CNTNAP5: variants seen among roughly 807,000 people sequenced by gnomAD.
CNTNAP5 encodes contactin associated protein family member 5, also known as contactin-associated protein-like 5.
A neutral mutation model predicts 150.2 loss-of-function variants in CNTNAP5; 72 were observed. The ratio of observed to expected loss-of-function variants is 0.48; its 90% CI spans 0.40 to 0.58. CNTNAP5 has a LOEUF of 0.58. CNTNAP5 is among the 20% of genes least tolerant of loss of function. The pLI is 0.00. For missense variants in CNTNAP5, 1,636 were observed against 1,626.2 expected (o/e 1.01, Z -0.10); for synonymous variants, 672 against 619.8 (o/e 1.08, Z -1.25).
chr2:124,109,815 C>T (rs1273685693), intron 1 of CNTNAP5, among the ~76,000 whole-genome samples: 2 of 152,196 alleles, frequency 1.3e-5, no homozygotes, highest in Non-Finnish European at 2.9e-5. Flanking sequence ...AAAATATGTG[C>T]ATATGGAATT....
intron 3 of CNTNAP5, among the ~76,000 whole-genome samples, chr2:124,258,150 G>T (rs1390753123): frequency 6.6e-6 from 1 of 152,094 alleles, no homozygotes; most frequent in Non-Finnish European, 1.5e-5. Context: ...TGACTCTGCT[G>T]GGTGGCTACA....
intron 3 of CNTNAP5, among the ~76,000 whole-genome samples, chr2:124,346,646 G>A (rs952928020): frequency 6.6e-6 from 1 of 152,146 alleles, no homozygotes; most frequent in Admixed American, 6.5e-5. Context: ...AAAATGGAGA[G>A]CTAGGGGAAA....
chr2:124,901,131 A>G (rs961901976), intron 21 of CNTNAP5, among the ~76,000 whole-genome samples: 1 of 151,632 alleles, frequency 6.6e-6, no homozygotes, highest in East Asian at 1.9e-4. Context: ...ATATTTGAAG[A>G]AGTGACACTT....
intron 13 of CNTNAP5, among the ~76,000 whole-genome samples, chr2:124,694,240 T>G (rs1400725887): frequency 2.0e-5 from 3 of 152,200 alleles, no homozygotes; most frequent in Non-Finnish European, 1.5e-5. Context: ...AGTTTTGTCT[T>G]ATTTTTAAAC....
intron 3 of CNTNAP5, among the ~76,000 whole-genome samples, chr2:124,414,274 A>G (rs79638317): frequency 2.0e-5 from 3 of 152,214 alleles, no homozygotes; most frequent in Admixed American, 6.5e-5. Flanking sequence ...AACTTCCGGC[A>G]TTGATAAGTG....
intron 1 of CNTNAP5, among the ~76,000 whole-genome samples, chr2:124,039,444 G>C (rs1681307790): frequency 6.6e-6 from 1 of 152,154 alleles, no homozygotes; most frequent in South Asian, 2.1e-4. Context: ...ATAGTGCAGT[G>C]CTCCCTCCAC....
chr2:124,058,662 T>C lies in CNTNAP5; in HGVS notation c.82+32930T>C, dbSNP rs377077396. 1.1e-4 allele frequency among the ~76,000 whole-genome samples: 16 copies of C among 152,312 alleles called. No homozygotes were observed. The East Asian group carries it at 2.3e-3, about 22-fold the overall frequency. ...CGTTGTCATCAGCCTAAAAGCTTCC[T>C]AACACTTGAAAAAAATGCATGGCAC... On this transcript the variant is annotated intron_variant, in intron 1 of 23. Coordinates refer to ENST00000682447, the MANE Select transcript of CNTNAP5 (RefSeq NM_001367498.1).
chr2:124,771,214 C>T (rs138210230), intron 16 of CNTNAP5, among the ~76,000 whole-genome samples: 2 of 152,078 alleles, frequency 1.3e-5, no homozygotes. Context: ...CAAATAAATA[C>T]CCATTTCCTA....
chr2:124,122,578 C>T (rs1328389477), intron 1 of CNTNAP5, among the ~76,000 whole-genome samples: 1 of 152,090 alleles, frequency 6.6e-6, no homozygotes, highest in Non-Finnish European at 1.5e-5. Flanking sequence ...TAGCACATTC[C>T]ACACTTTACA....
intron 12 of CNTNAP5, among the ~76,000 whole-genome samples, chr2:124,636,900 T>G (rs11675141): frequency 0.033 from 5,078 of 151,812 alleles, 136 homozygotes; most frequent in Non-Finnish European, 0.051. Context: ...CCTCATCTCT[T>G]TCTCTTTTTC....
intron 10 of CNTNAP5, among the ~76,000 whole-genome samples, chr2:124,548,921 G>A (rs1450079926): frequency 6.6e-6 from 1 of 152,126 alleles, no homozygotes; most frequent in Non-Finnish European, 1.5e-5. Flanking sequence ...CTGACGCCTG[G>A]GCTATATGAC....
At chr2:124,155,324 C>A (rs1051322705) in intron 1 of CNTNAP5, among the ~76,000 whole-genome samples, 4 of 152,110 alleles carry the variant, frequency 2.6e-5, no homozygotes, top group African/African-American at 9.7e-5. Flanking sequence ...TGCTCTTCAA[C>A]CTCCTGTAAT....
intron 1 of CNTNAP5, among the ~76,000 whole-genome samples, chr2:124,130,549 T>C (rs1683818770): frequency 6.6e-6 from 1 of 152,100 alleles, no homozygotes; most frequent in South Asian, 2.1e-4. Context: ...AAATGAGGCT[T>C]GGCTGGGCCA....
intron 1 of CNTNAP5, among the ~76,000 whole-genome samples, chr2:124,050,171 T>G (rs1681654235): frequency 6.6e-6 from 1 of 152,132 alleles, no homozygotes; most frequent in Admixed American, 6.5e-5. Context: ...TTATTAAGAA[T>G]AAAGAAATGG....
At chr2:124,829,105 A>G (rs918660495) in intron 19 of CNTNAP5, among the ~76,000 whole-genome samples, 1 of 152,150 alleles carries the variant, frequency 6.6e-6, no homozygotes, top group African/African-American at 2.4e-5. Flanking sequence ...ACTTTAAGGA[A>G]TATAGTGACT....
intron 8 of CNTNAP5, among the ~76,000 whole-genome samples, chr2:124,520,636 C>T (rs1694828153): frequency 6.6e-6 from 1 of 152,162 alleles, no homozygotes; most frequent in South Asian, 2.1e-4. Flanking sequence ...ACCCAAATCC[C>T]ATCTTTTAGG....
intron 1 of CNTNAP5, among the ~76,000 whole-genome samples, chr2:124,115,154 AT>A (rs1185533878): frequency 6.6e-6 from 1 of 151,990 alleles, no homozygotes; most frequent in Non-Finnish European, 1.5e-5. Context: ...ATTATATTTT[AT>A]TTTTTAAGGA....
chr2:124,895,543 T>C (rs1311496248), intron 21 of CNTNAP5, among the ~76,000 whole-genome samples: 1 of 151,528 alleles, frequency 6.6e-6, no homozygotes, highest in African/African-American at 2.4e-5. Context: ...GAAGCATTCT[T>C]GAACCTGGGA....
chr2:124,567,882 T>TAGATAGATATAG (rs1553480455), intron 11 of CNTNAP5, among the ~76,000 whole-genome samples: 1 of 137,808 alleles, frequency 7.3e-6, no homozygotes, highest in East Asian at 2.1e-4. Context: ...GATAGATAGA[T>TAGATAGATATAG]ATAGATAGAT....
Sources: gnomAD v4.1 joint callset for allele counts (sites outside exome capture counted in the v4.1 genomes callset) on GRCh38, gnomAD v4.1.1 for gene constraint, MANE v1.5 for transcripts, NCBI Gene and HGNC (gene_info 2026-07-23, HGNC 2026-07-21) for gene names.